LPA: variants seen among roughly 807,000 people sequenced by gnomAD.
LPA encodes apolipoprotein(a).
Under a neutral mutation model 197.9 loss-of-function variants are expected in LPA, and 199 were observed. The ratio of observed to expected loss-of-function variants is 1.01; its 90% CI spans 0.90 to 1.13. The LOEUF (loss-of-function observed/expected upper bound fraction) is 1.13. LPA is among the 50% of genes most tolerant of loss of function. The pLI, the probability that LPA is intolerant of heterozygous loss-of-function variation, is 0.00. For synonymous variants in LPA, 715 were observed against 639.5 expected (o/e 1.12, Z -1.78); for missense variants, 1,853 against 1,785.8 (o/e 1.04, Z -0.68).
chr6:160,535,507 TTGGTGATGGTGGTGGAATGGTGGTGA>T (rs1777879410), intron 37 of LPA, among the ~76,000 whole-genome samples: 1 of 550 alleles, frequency 1.8e-3, no homozygotes, highest in South Asian at 0.056. Context: ...AGTGATGATA[TTGGTGATGGTGGTGGAATGGTGGTGA>T]TGGTGATGGT....
chr6:160,570,289 G>A (rs1315158433), intron 28 of LPA, among the ~76,000 whole-genome samples: 4 of 152,192 alleles, frequency 2.6e-5, no homozygotes, highest in African/African-American at 9.7e-5. Context: ...TATACACCAT[G>A]GAATACTATG....
chr6:160,593,899 C>T (rs1032400316), intron 22 of LPA, 59 bp downstream of exon 22: 1 of 1,601,610 alleles, frequency 6.2e-7, no homozygotes. Flanking sequence ...AAGCATGGCC[C>T]TTCCAAGAGA....
intron 4 of LPA, among the ~76,000 whole-genome samples, chr6:160,643,123 T>G (rs1582895757): frequency 2.0e-5 from 3 of 149,552 alleles, no homozygotes; most frequent in East Asian, 3.9e-4. Flanking sequence ...TGTAGCTCAT[T>G]CTGTAGGTTC....
chr6:160,589,373 G>T (rs1019918990), intron 24 of LPA, among the ~76,000 whole-genome samples, 180 bp downstream of exon 24: 1 of 152,190 alleles, frequency 6.6e-6, no homozygotes, highest in Non-Finnish European at 1.5e-5. Flanking sequence ...AGAAAAGAGA[G>T]CTGGCCTGAC....
chr6:160,575,500 A>G (rs927260322), intron 28 of LPA, among the ~76,000 whole-genome samples: 1 of 152,190 alleles, frequency 6.6e-6, no homozygotes, highest in Admixed American at 6.5e-5. Context: ...TGAAGAGGTT[A>G]AGCTTTCTTC....
At chr6:160,560,813 T>C (rs1420549231) in intron 28 of LPA, among the ~76,000 whole-genome samples, 2 of 152,228 alleles carry the variant, frequency 1.3e-5, no homozygotes, top group African/African-American at 2.4e-5. Flanking sequence ...TTTTGGCTTT[T>C]GTTGCCATTG....
At chr6:160,605,011 C>T (rs758596677) in intron 18 of LPA, 35 bp downstream of exon 18, 1 of 1,611,918 alleles carries the variant, frequency 6.2e-7, no homozygotes, top group African/African-American at 1.3e-5. Context: ...TTCCACTGAC[C>T]CTTCCTTCAC....
At chr6:160,580,813 T>C (rs1006923643) in intron 26 of LPA, among the ~76,000 whole-genome samples, 4 of 152,208 alleles carry the variant, frequency 2.6e-5, no homozygotes, top group Non-Finnish European at 5.9e-5. Context: ...ATACAGGCCA[T>C]TTGTCAGATA....
At chr6:160,596,961 G>T (rs9355296) in intron 20 of LPA, among the ~76,000 whole-genome samples, 1 of 151,928 alleles carries the variant, frequency 6.6e-6, no homozygotes, top group African/African-American at 2.4e-5. Context: ...GAAATGCACC[G>T]TATGACTCCC....
intron 24 of LPA, 116 bp downstream of exon 24, chr6:160,589,437 C>T (rs1778980710): frequency 8.1e-7 from 1 of 1,235,104 alleles, no homozygotes; most frequent in East Asian, 2.4e-5. Flanking sequence ...GACATTCTGT[C>T]CAACATTCTG....
intron 16 of LPA, among the ~76,000 whole-genome samples, chr6:160,608,558 A>G (rs1220109178): frequency 1.3e-5 from 2 of 152,138 alleles, no homozygotes; most frequent in Admixed American, 6.5e-5. Context: ...TGAAAATGTG[A>G]AGTACAAAAG....
chr6:160,590,986 C>CTGTCACTG lies in LPA; in HGVS notation c.3737_3744dup (p.Glu1249GlnfsTer2), dbSNP rs1562334710. ...GTGGACGTCGCAAGGACACTTGATT[C>CTGTCACTG]TGTCACTGGACATTGTGTCAGGTTG... On this transcript the variant is annotated stop_gained and frameshift_variant, in exon 23 of 39. Transcript: ENST00000316300. LOFTEE classifies it high-confidence loss of function. 1 of 1,614,036 alleles carries CTGTCACTG rather than the reference C, an allele frequency of 6.2e-7. No homozygotes were observed. Among genetic ancestry groups the CTGTCACTG allele is most frequent in the Admixed American group, 1.7e-5 (1 of 60,012 alleles).
At chr6:160,593,798 C>T (rs1779077118) in intron 22 of LPA, among the ~76,000 whole-genome samples, 160 bp downstream of exon 22, 1 of 152,156 alleles carries the variant, frequency 6.6e-6, no homozygotes, top group Non-Finnish European at 1.5e-5. Context: ...ACATTTCTCT[C>T]CTTTCAGACA....
intron 28 of LPA, among the ~76,000 whole-genome samples, chr6:160,570,522 T>C (rs929826295): frequency 3.9e-5 from 6 of 152,076 alleles, no homozygotes; most frequent in Non-Finnish European, 7.4e-5. Flanking sequence ...TATTAGGAGA[T>C]ATACCTAATG....
At chr6:160,647,065 C>T (rs151247359) in intron 2 of LPA, among the ~76,000 whole-genome samples, 235 of 152,296 alleles carry the variant, frequency 1.5e-3, no homozygotes, top group African/African-American at 5.4e-3. Context: ...GGAAAACTTG[C>T]TCCCAGGCAG....
At chr6:160,535,731 A>G (rs987137825) in intron 37 of LPA, among the ~76,000 whole-genome samples, 6 of 151,780 alleles carry the variant, frequency 4.0e-5, no homozygotes, top group Non-Finnish European at 7.4e-5. Flanking sequence ...GACGGTGATG[A>G]TGATGATTAT....
Position 160,589,663 on chromosome 6 carries a change from T to C in LPA, c.3837A>G (p.Gly1279=), listed in dbSNP as rs1778986861. 6.2e-7 allele frequency: 1 copy of C among 1,613,836 alleles called. No individual in the cohort carries two copies. Among genetic ancestry groups the C allele is most frequent in the African/African-American group, 1.3e-5 (1 of 74,896 alleles). ...PTVQDCYHGD[G]QSYRGSFSTT... ...TGGAGAATGAGCCTCGATAACTCTG[T>C]CCATCACCATGGTAGCAGTCCTGGA... The change falls in exon 24 of 39, where the codon GGA becomes GGG. Residue 1279 remains glycine, a synonymous_variant. Transcript: ENST00000316300.
chr6:160,659,582 A>T (rs1780188382), intron 1 of LPA, among the ~76,000 whole-genome samples: 1 of 152,212 alleles, frequency 6.6e-6, no homozygotes, highest in South Asian at 2.1e-4. Flanking sequence ...GGAAGTGGCC[A>T]GGTCCCTTCT....
chr6:160,608,978 AT>A (rs1377414972), intron 16 of LPA, among the ~76,000 whole-genome samples: 1 of 151,636 alleles, frequency 6.6e-6, no homozygotes, highest in African/African-American at 2.4e-5. Flanking sequence ...CCATCCAGTA[AT>A]TTTTTCTTTT....
Sources: allele counts gnomAD v4.1 joint callset (sites outside exome capture counted in the v4.1 genomes callset), GRCh38; gene constraint gnomAD v4.1.1; transcripts MANE v1.5; gene names NCBI Gene and HGNC (gene_info 2026-07-23, HGNC 2026-07-21).